Variants in WWTR1 observed in about 807,000 individuals in gnomAD.
WWTR1 encodes the protein WW domain-containing transcription regulator protein 1.
In WWTR1, 13 loss-of-function variants were observed where a neutral mutation model predicts 40.1. That is an observed-to-expected ratio of 0.32 (90% CI 0.21 to 0.52). The LOEUF is 0.52. Among genes scored for constraint, WWTR1 ranks in the 20% least tolerant of loss-of-function variants. WWTR1 has a pLI of 0.97. For missense variants in WWTR1, 436 were observed against 523.1 expected (o/e 0.83, Z 1.63); for synonymous variants, 230 against 210.1 (o/e 1.09, Z -0.82).
At chr3:149,647,887 T>C (rs966958300) in intron 2 of WWTR1, among the ~76,000 whole-genome samples, 3 of 152,184 alleles carry the variant, frequency 2.0e-5, no homozygotes, top group African/African-American at 7.2e-5. Context: ...AAAAGGTCAA[T>C]GAGCCCACCC....
At chr3:149,639,505 A>G (rs760715525) in intron 2 of WWTR1, among the ~76,000 whole-genome samples, 15 of 152,112 alleles carry the variant, frequency 9.9e-5, no homozygotes, top group Non-Finnish European at 1.5e-4. Flanking sequence ...ACGACAACCT[A>G]AAGTTACCTC....
chr3:149,611,979 T>C (rs1489237831), intron 2 of WWTR1, among the ~76,000 whole-genome samples: 1 of 152,194 alleles, frequency 6.6e-6, no homozygotes, highest in African/African-American at 2.4e-5. Context: ...ACATTACTAT[T>C]CCTACTTGAC....
intron 1 of WWTR1, among the ~76,000 whole-genome samples, chr3:149,694,184 G>A (rs1228317896): frequency 6.6e-6 from 1 of 152,160 alleles, no homozygotes; most frequent in African/African-American, 2.4e-5. Context: ...ACGAGGTCAG[G>A]GGTTCGAGAC....
At chr3:149,525,318 AG>A (rs1218212492) in intron 6 of WWTR1, among the ~76,000 whole-genome samples, 2 of 152,200 alleles carry the variant, frequency 1.3e-5, no homozygotes, top group Non-Finnish European at 2.9e-5. Context: ...ACTTTCCAGG[AG>A]AAAGGGTGGC....
At chr3:149,683,468 T>C (rs1417483472) in intron 1 of WWTR1, among the ~76,000 whole-genome samples, 1 of 151,952 alleles carries the variant, frequency 6.6e-6, no homozygotes, top group African/African-American at 2.4e-5. Context: ...TCAAAGCGGA[T>C]GGATCACTTG....
At chr3:149,724,758 G>A (rs985897525) in exon 3 of WWTR1, 2 of 152,064 alleles carry the variant, frequency 1.3e-5, no homozygotes, top group African/African-American at 4.8e-5. Flanking sequence ...AAGACTGGGA[G>A]AGCATCCAGT....
chr3:149,618,850 T>A (rs1740130779), intron 2 of WWTR1, among the ~76,000 whole-genome samples: 1 of 152,088 alleles, frequency 6.6e-6, no homozygotes, highest in African/African-American at 2.4e-5. Flanking sequence ...AGTACAATCC[T>A]GTCCCCTCTT....
chr3:149,540,530 A>T (rs1736045834), intron 4 of WWTR1, among the ~76,000 whole-genome samples: 1 of 152,256 alleles, frequency 6.6e-6, no homozygotes, highest in Non-Finnish European at 1.5e-5. Flanking sequence ...TAAAACTGAG[A>T]ATGTATAAAA....
intron 2 of WWTR1, among the ~76,000 whole-genome samples, chr3:149,649,455 C>G (rs1712722401): frequency 6.6e-6 from 1 of 152,100 alleles, no homozygotes; most frequent in Admixed American, 6.6e-5. Flanking sequence ...GCACTGCGCT[C>G]AGCACTTTAT....
intron 5 of WWTR1, 53 bp from the exon 6 acceptor site, chr3:149,526,178 A>C: frequency 3.5e-5 from 48 of 1,384,640 alleles, no homozygotes; most frequent in Non-Finnish European, 4.2e-5. Flanking sequence ...AATAAATCTC[A>C]AAATTAAAAC....
chr3:149,584,065 A>G (rs1208600666), intron 2 of WWTR1, among the ~76,000 whole-genome samples: 2 of 152,218 alleles, frequency 1.3e-5, no homozygotes, highest in African/African-American at 2.4e-5. Context: ...TTGTTTTTCC[A>G]TGCTCTCTGT....
intron 4 of WWTR1, among the ~76,000 whole-genome samples, chr3:149,532,607 A>T (rs994593888): frequency 6.6e-6 from 1 of 152,164 alleles, no homozygotes; most frequent in African/African-American, 2.4e-5. Flanking sequence ...CCCTATTCCA[A>T]CTCATGAACT....
intron 4 of WWTR1, among the ~76,000 whole-genome samples, chr3:149,529,781 C>A (rs1283422505): frequency 1.3e-5 from 2 of 152,156 alleles, no homozygotes; most frequent in African/African-American, 4.8e-5. Context: ...CAGTCCCCAT[C>A]CCTCAAGCAC....
At chr3:149,522,796 G>GATCACCT (rs2107898014) in intron 6 of WWTR1, among the ~76,000 whole-genome samples, 1 of 152,156 alleles carries the variant, frequency 6.6e-6, no homozygotes, top group East Asian at 1.9e-4. Context: ...CAGCACTTTG[G>GATCACCT]GAGGCCGAGG....
chr3:149,681,718 C>A (rs13083351), intron 1 of WWTR1, among the ~76,000 whole-genome samples: 45,574 of 151,954 alleles, frequency 0.3, 7,138 homozygotes, highest in Admixed American at 0.39. Context: ...GGTGTATATA[C>A]ACAATAGAAT....
chr3:149,609,027 C>G (rs1244679931), intron 2 of WWTR1, among the ~76,000 whole-genome samples: 1 of 152,170 alleles, frequency 6.6e-6, no homozygotes, highest in Non-Finnish European at 1.5e-5. Context: ...CCTGATCACA[C>G]CATTGCCCTC....
intron 2 of WWTR1, among the ~76,000 whole-genome samples, chr3:149,622,996 C>T (rs889000753): frequency 6.6e-6 from 1 of 152,158 alleles, no homozygotes; most frequent in Non-Finnish European, 1.5e-5. Context: ...CAATAATAGC[C>T]TTGGATTCAG....
chr3:149,676,738 C>T (rs967573962), intron 1 of WWTR1, among the ~76,000 whole-genome samples: 4 of 152,078 alleles, frequency 2.6e-5, no homozygotes, highest in Admixed American at 2.0e-4. Context: ...CCACACACCA[C>T]TGACTTTTTA....
chr3:149,625,539 C>A (rs185792951), intron 2 of WWTR1, among the ~76,000 whole-genome samples: 39 of 151,960 alleles, frequency 2.6e-4, no homozygotes, highest in African/African-American at 8.4e-4. Flanking sequence ...GCCTGTAATC[C>A]CAGCACTTTG....
Sources: gnomAD v4.1 joint callset for allele counts (sites outside exome capture counted in the v4.1 genomes callset) on GRCh38, gnomAD v4.1.1 for gene constraint, MANE v1.5 for transcripts, NCBI Gene and HGNC (gene_info 2026-07-23, HGNC 2026-07-21) for gene names.